Variants in ACP1 observed in about 807,000 individuals in gnomAD.
ACP1 encodes the protein low molecular weight phosphotyrosine protein phosphatase.
A neutral mutation model predicts 23.4 loss-of-function variants in ACP1; 23 were observed. That is an observed-to-expected ratio of 0.98 (90% CI 0.71 to 1.39). ACP1 has a LOEUF of 1.39. Ranked by LOEUF, ACP1 falls within the 40% of genes most tolerant of loss-of-function variation. The probability of loss-of-function intolerance (pLI) is 0.00; values close to 1 mark genes in which losing one functional copy is unlikely to be tolerated. For synonymous variants in ACP1, 72 were observed against 67.2 expected (o/e 1.07, Z -0.35); for missense variants, 180 against 197.7 (o/e 0.91, Z 0.54).
rs1415437713 is a variant in ACP1 at position 271,914 on chromosome 2, T to TAA, written c.93_94dup (p.Thr32LysfsTer12). 6.2e-7 allele frequency: 1 copy of TAA among 1,613,010 alleles called. No homozygotes were observed. The highest frequency in any genetic ancestry group is 1.1e-5 in the South Asian group (1 of 91,054). ...GCAGAAGCAGTTTTCAGGAAACTTGTAACCGATCAAAACATCTCAGAGAAT... is the reference window on the plus strand; with the variant it reads ...GCAGAAGCAGTTTTCAGGAAACTTGTAAAACCGATCAAAACATCTCAGAGAAT... On this transcript the variant is annotated frameshift_variant, in exon 2 of 6. Transcript: ENST00000272065. LOFTEE classifies it high-confidence loss of function.
intron 3 of ACP1, chr2:272,490 T>A: frequency 7.0e-7 from 1 of 1,433,110 alleles, no homozygotes; most frequent in African/African-American, 1.4e-5. Flanking sequence ...ACTTTGGAAT[T>A]TACTTATTAA....
In ACP1 at chr2:277,879, A is replaced by C. The variant is rs1240275732; in HGVS notation, c.*575A>C. 1 of 153,156 alleles carries C rather than the reference A, an allele frequency of 6.5e-6. No individual in the cohort carries two copies. Among genetic ancestry groups the C allele is most frequent in the Admixed American group, 6.5e-5 (1 of 15,472 alleles). The allele number at this position is 153,156 out of a possible 1,614,324, so 9.5% of individuals were successfully genotyped here. A position where few individuals can be genotyped will look rare whatever the true frequency, so the allele number is the denominator to read the frequency against. ...GGAAGAGAGAAACATTTATGGAATCAGTCGTTGGCACCTTCAATACTTCAT... is the reference window on the plus strand; with the variant it reads ...GGAAGAGAGAAACATTTATGGAATCCGTCGTTGGCACCTTCAATACTTCAT... On this transcript the variant is annotated 3_prime_UTR_variant, in exon 6 of 6. Transcript: ENST00000272065.
rs547736830 is a variant in ACP1, at chr2:274,351, G to A, written c.232-789G>A. Reference sequence around the variant, plus strand: ...TTTGTTCCGCAGTACGTATGTTTATGTTTCTTATTCTGCCATTATTTATAG... The same window carrying A: ...TTTGTTCCGCAGTACGTATGTTTATATTTCTTATTCTGCCATTATTTATAG... On this transcript the variant is annotated intron_variant, in intron 3 of 5. Transcript: ENST00000272065. Among the ~76,000 whole-genome samples, 10 of 152,174 alleles carry A rather than the reference G, an allele frequency of 6.6e-5. No individual in the cohort carries two copies. The South Asian group carries it at 1.9e-3, about 28-fold the overall frequency.
At chr2:265,299 A>G (rs567885797) in intron 1 of ACP1, 9 of 393,594 alleles carry the variant, frequency 2.3e-5, no homozygotes, top group Non-Finnish European at 4.1e-5. Flanking sequence ...TGCGACTACT[A>G]GAATCCCTCT....
Position 277,739 on chromosome 2 carries a change from C to T in ACP1, c.*435C>T, listed in dbSNP as rs1168189570. ...TGCTCCCCAGTGCTACCTCTCTCTT[C>T]CCTAGGGCCTTTTGTGGATTGACAG... On this transcript the variant is annotated 3_prime_UTR_variant, in exon 6 of 6. Transcript: ENST00000272065. 2 of 199,880 alleles carry T rather than the reference C, an allele frequency of 1.0e-5. No individual in the cohort carries two copies. Among genetic ancestry groups the T allele is most frequent in the Admixed American group, 1.1e-4 (2 of 19,010 alleles). The allele number at this position is 199,880 out of a possible 1,614,324, so 12.4% of individuals were successfully genotyped here.
intron 4 of ACP1, among the ~76,000 whole-genome samples, chr2:276,177 T>C (rs1670166116): frequency 6.6e-6 from 1 of 152,134 alleles, no homozygotes; most frequent in South Asian, 2.1e-4. Context: ...AAGCTCCTCC[T>C]TGCTTCTTGG....
intron 1 of ACP1, among the ~76,000 whole-genome samples, chr2:270,608 TAATA>T (rs1277790968): frequency 1.3e-5 from 2 of 152,166 alleles, no homozygotes; most frequent in South Asian, 2.1e-4. Context: ...ATAATAAATA[TAATA>T]AATAAAGTGG....
intron 1 of ACP1, among the ~76,000 whole-genome samples, chr2:269,112 A>G (rs1669966647): frequency 6.6e-6 from 1 of 152,242 alleles, no homozygotes; most frequent in Non-Finnish European, 1.5e-5. Flanking sequence ...TTCCCAGGGT[A>G]TATGGTGACA....
At chr2:271,810 C>A (rs2103073567) in intron 1 of ACP1, 56 bp from the exon 2 acceptor site, 2 of 1,366,056 alleles carry the variant, frequency 1.5e-6, no homozygotes, top group South Asian at 1.2e-5. Context: ...GGGGAGCTGG[C>A]ATGTGCCCTT....
rs1251757299 is a variant in ACP1 at position 278,136 on chromosome 2, C to T, written c.*832C>T. 2 of 152,182 alleles carry T rather than the reference C, an allele frequency of 1.3e-5. No individual in the cohort carries two copies. Among genetic ancestry groups the T allele is most frequent in the Non-Finnish European group, 2.9e-5 (2 of 68,028 alleles). 9.4% of individuals were successfully genotyped at this position (152,182 alleles called of 1,614,324 possible). ...GGGAAAAGTGTTATTATTTGGCATG[C>T]TTAAATATTGAATAAGTATTCTTCA... On this transcript the variant is annotated 3_prime_UTR_variant, in exon 6 of 6. Transcript: ENST00000272065.
rs994095804 is a variant in ACP1 at position 277,835 on chromosome 2, T to C, written c.*531T>C. Reference sequence around the variant, plus strand: ...ATTTCTACACACCCATAGTGCACACTTGTATATTGAAAAGATAGGGAAGAG... The same window carrying C: ...ATTTCTACACACCCATAGTGCACACCTGTATATTGAAAAGATAGGGAAGAG... On this transcript the variant is annotated 3_prime_UTR_variant, in exon 6 of 6. Coordinates refer to ENST00000272065, the MANE Select transcript of ACP1 (RefSeq NM_004300.4). 1.9e-5 allele frequency: 3 copies of C among 154,534 alleles called. No homozygotes were observed. Among genetic ancestry groups the C allele is most frequent in the African/African-American group, 7.2e-5 (3 of 41,486 alleles). 9.6% of individuals were successfully genotyped at this position (154,534 alleles called of 1,614,324 possible).
chr2:272,433 T>A, intron 3 of ACP1: 2 of 1,451,070 alleles, frequency 1.4e-6, no homozygotes, highest in Non-Finnish European at 1.8e-6. Context: ...CTATGGTGTG[T>A]CCATTTTGTT....
chr2:266,155 C>G (rs930148278), intron 1 of ACP1: 2 of 152,000 alleles, frequency 1.3e-5, no homozygotes, highest in African/African-American at 2.4e-5. Context: ...TGTTGAAATC[C>G]CAGCTGAGTT....
intron 1 of ACP1, among the ~76,000 whole-genome samples, chr2:268,263 G>A (rs1297601850): frequency 1.3e-5 from 2 of 152,194 alleles, no homozygotes; most frequent in African/African-American, 4.8e-5. Context: ...CATTTTACTT[G>A]GTAGCCATAT....
At chr2:266,011 T>C (rs1201506130) in intron 1 of ACP1, among the ~76,000 whole-genome samples, 3 of 152,228 alleles carry the variant, frequency 2.0e-5, no homozygotes, top group Non-Finnish European at 4.4e-5. Context: ...ATGAGTTGCT[T>C]CCTTATCGAC....
rs201430069 is a variant in ACP1, at chr2:272,155, C to T, written c.231+5C>T. On this transcript the variant is annotated splice_donor_5th_base_variant and intron_variant, in intron 3 of 5. Coordinates refer to ENST00000272065, the MANE Select transcript of ACP1 (RefSeq NM_004300.4). ...ATGAGCCACGTTGCCCGGCAGGTAC[C>T]GTCCTTGGACTTGAAGTTGTGTGTT... 2.7e-4 allele frequency: 436 copies of T among 1,614,058 alleles called. No individual in the cohort carries two copies. The highest frequency in any genetic ancestry group is 5.5e-4 in the Admixed American group (33 of 60,004).
intron 1 of ACP1, among the ~76,000 whole-genome samples, chr2:269,140 C>G (rs1669966947): frequency 6.6e-6 from 1 of 152,120 alleles, no homozygotes; most frequent in South Asian, 2.1e-4. Context: ...GAGTTACACA[C>G]CCATGGGAAG....
chr2:269,711 C>CA (rs1669980723), intron 1 of ACP1, among the ~76,000 whole-genome samples: 1 of 152,192 alleles, frequency 6.6e-6, no homozygotes, highest in South Asian at 2.1e-4. Context: ...TCCTCTCCTG[C>CA]AAAGCAAGCC....
chr2:265,022 A>C lies in ACP1; in HGVS notation c.43+15A>C, dbSNP rs1300568881. 1 of 1,612,278 alleles carries C rather than the reference A, an allele frequency of 6.2e-7. No individual in the cohort carries two copies. Among genetic ancestry groups the C allele is most frequent in the Non-Finnish European group, 8.5e-7 (1 of 1,179,242 alleles). ...TGTGTGTCTGGGTAAGAGGGCGCCG[A>C]CTTACTCATGTTCTGACGTCCTCTG... On this transcript the variant is annotated intron_variant, in intron 1 of 5. Coordinates refer to ENST00000272065, the MANE Select transcript of ACP1 (RefSeq NM_004300.4).
Sources: gnomAD v4.1 joint callset for allele counts (sites outside exome capture counted in the v4.1 genomes callset) on GRCh38, gnomAD v4.1.1 for gene constraint, MANE v1.5 for transcripts, NCBI Gene and HGNC (gene_info 2026-07-23, HGNC 2026-07-21) for gene names.